ARV1: variants seen among roughly 807,000 people sequenced by gnomAD.
ARV1 encodes protein ARV1.
In ARV1, 26 loss-of-function variants were observed where a neutral mutation model predicts 31.1. The ratio of observed to expected loss-of-function variants is 0.84; its 90% CI spans 0.61 to 1.16. ARV1 has a LOEUF of 1.16. ARV1 is among the 50% of genes most tolerant of loss of function. ARV1 has a pLI of 0.00. For synonymous variants in ARV1, 117 were observed against 123.2 expected, an observed-to-expected ratio of 0.95 and a Z score of 0.34; for missense variants, 281 against 324.9, an observed-to-expected ratio of 0.86 and a Z score of 1.04.
At position 230,988,447 on chromosome 1, in the gene ARV1, G is replaced by C. The variant is rs766104695; in HGVS notation, c.294+8G>C. On this transcript the variant is annotated splice_region_variant and intron_variant, in intron 2 of 5. Transcript: ENST00000310256. ...TTCAATACTCAAATAAATGTAAGTT[G>C]TGATAATTTCATTTTTTAATTTTAT... is the stretch of plus-strand genomic sequence containing the variant. 6.6e-7 allele frequency: 1 copy of C among 1,508,748 alleles called. No homozygotes were observed. The highest frequency in any genetic ancestry group is 1.4e-5 in the South Asian group (1 of 73,742). 93.5% of individuals were successfully genotyped at this position (1,508,748 alleles called of 1,614,324 possible).
At chr1:230,996,628 G>T (rs1224542930) in intron 4 of ARV1, among the ~76,000 whole-genome samples, 2 of 151,888 alleles carry the variant, frequency 1.3e-5, no homozygotes, top group Non-Finnish European at 2.9e-5. Flanking sequence ...GTAGAGACAG[G>T]GTTTCGACAT....
intron 1 of ARV1, among the ~76,000 whole-genome samples, chr1:230,982,067 C>A (rs766164280): frequency 6.6e-6 from 1 of 152,172 alleles, no homozygotes; most frequent in Non-Finnish European, 1.5e-5. Flanking sequence ...GTGTCTTCTC[C>A]TACTGGAAAG....
chr1:230,988,579 A>G (rs925165681), intron 2 of ARV1, 140 bp downstream of exon 2: 4 of 665,240 alleles, frequency 6.0e-6, no homozygotes, highest in Non-Finnish European at 9.3e-6. Context: ...TTTTATTGCA[A>G]CATATCTGGA....
chr1:230,995,494 A>C (rs900297737), intron 3 of ARV1, among the ~76,000 whole-genome samples: 1 of 152,152 alleles, frequency 6.6e-6, no homozygotes, highest in Non-Finnish European at 1.5e-5. Context: ...GTTGATGATT[A>C]CAATTCTAAT....
At position 230,996,107 on chromosome 1, in the gene ARV1, A is replaced by G. The variant is rs1262219319; in HGVS notation, c.673+123A>G. ...CTGGAATTCTTCATCGCATAGTAAT[A>G]ATACCTAACACTTCTATAGCACCTT... is the stretch of plus-strand genomic sequence containing the variant. On this transcript the variant is annotated intron_variant, in intron 4 of 5. Coordinates refer to ENST00000310256, the MANE Select transcript of ARV1 (RefSeq NM_022786.3). 10 of 706,066 alleles carry G rather than the reference A, an allele frequency of 1.4e-5. No homozygotes were observed. In the East Asian group the frequency reaches 2.4e-4, roughly 17 times the overall value. The allele number at this position is 706,066 out of a possible 1,614,324, so 43.7% of individuals were successfully genotyped here. A position where few individuals can be genotyped will look rare whatever the true frequency, so the allele number is the denominator to read the frequency against.
chr1:230,990,294 T>C (rs1273152753), intron 3 of ARV1, 31 bp downstream of exon 3: 2 of 1,609,478 alleles, frequency 1.2e-6, no homozygotes, highest in African/African-American at 2.7e-5. Context: ...CCATTCTTAG[T>C]TAACTATTCT....
At chr1:230,999,090 C>T (rs1679455337) in intron 5 of ARV1, among the ~76,000 whole-genome samples, 1 of 152,122 alleles carries the variant, frequency 6.6e-6, no homozygotes, top group East Asian at 1.9e-4. Context: ...TGTCCTCAGC[C>T]CTCTTCCTTC....
intron 5 of ARV1, 146 bp downstream of exon 5, chr1:230,997,413 C>CT: frequency 1.1e-6 from 1 of 931,014 alleles, no homozygotes; most frequent in Non-Finnish European, 1.6e-6. Context: ...TCCTCAAGGA[C>CT]TTTACTACAT....
At chr1:230,987,891 C>A (rs1461916366) in intron 1 of ARV1, among the ~76,000 whole-genome samples, 3 of 152,274 alleles carry the variant, frequency 2.0e-5, no homozygotes, top group African/African-American at 7.2e-5. Flanking sequence ...TGCCAAGAAC[C>A]ATAAAGTCAG....
intron 1 of ARV1, among the ~76,000 whole-genome samples, chr1:230,984,367 T>TGTGC (rs1553303970): frequency 3.7e-3 from 454 of 124,296 alleles, no homozygotes; most frequent in African/African-American, 6.7e-3. Flanking sequence ...TGTGTGCGTG[T>TGTGC]GTGTGTGTGT....
intron 1 of ARV1, among the ~76,000 whole-genome samples, chr1:230,980,705 C>A (rs551216465): frequency 6.2e-4 from 94 of 150,420 alleles, no homozygotes; most frequent in African/African-American, 2.2e-3. Flanking sequence ...ACTGTACTGT[C>A]TTCTTCTGCC....
chr1:230,985,921 ATT>A (rs5781616), intron 1 of ARV1, among the ~76,000 whole-genome samples: 5 of 148,302 alleles, frequency 3.4e-5, no homozygotes, highest in African/African-American at 1.2e-4. Flanking sequence ...ATTAAGCAGA[ATT>A]TTTTTTTTTT....
At chr1:230,985,422 G>A (rs1038418487) in intron 1 of ARV1, among the ~76,000 whole-genome samples, 1 of 152,190 alleles carries the variant, frequency 6.6e-6, no homozygotes, top group East Asian at 1.9e-4. Context: ...AGAAACTGTG[G>A]CTGAAGGTGA....
intron 2 of ARV1, among the ~76,000 whole-genome samples, chr1:230,989,516 A>G (rs1009928244): frequency 2.6e-5 from 4 of 152,142 alleles, no homozygotes; most frequent in Admixed American, 2.6e-4. Context: ...GTTGCCTAGT[A>G]TTTTTTATTT....
intron 1 of ARV1, among the ~76,000 whole-genome samples, chr1:230,987,373 C>A (rs79036592): frequency 0.014 from 2,115 of 152,298 alleles, 33 homozygotes; most frequent in Non-Finnish European, 0.02. Context: ...TACGGGAGGA[C>A]TGCTGTAGTT....
At chr1:230,988,087 G>A (rs1305072962) in intron 1 of ARV1, among the ~76,000 whole-genome samples, 2 of 152,160 alleles carry the variant, frequency 1.3e-5, no homozygotes, top group Non-Finnish European at 2.9e-5. Context: ...TTAGCTTCTT[G>A]AATATGACGT....
At chr1:230,988,289 C>T in intron 1 of ARV1, 31 bp from the exon 2 acceptor site, 1 of 1,566,176 alleles carries the variant, frequency 6.4e-7, no homozygotes, top group South Asian at 1.2e-5. Context: ...TATACATTTG[C>T]TTGTTCTAAT....
chr1:230,995,868 C>G lies in ARV1; in HGVS notation c.557C>G (p.Ser186Cys). The change falls in exon 4 of 6, where the codon TCT becomes TGT. Residue 186 changes from serine to cysteine, a missense_variant. Coordinates refer to ENST00000310256, the MANE Select transcript of ARV1 (RefSeq NM_022786.3). ...FILLLKALLL[S>C]SYGKLLLIPA... ...TTGCTGCTGAAAGCATTATTATTATCTAGCTACGGAAAACTCTTGCTGATT... is the reference window on the plus strand; with the variant it reads ...TTGCTGCTGAAAGCATTATTATTATGTAGCTACGGAAAACTCTTGCTGATT... The G allele has an allele frequency of 2.5e-6, 4 of 1,614,036 alleles. No individual in the cohort carries two copies. Among genetic ancestry groups the G allele is most frequent in the Non-Finnish European group, 3.4e-6 (4 of 1,179,984 alleles).
At chr1:230,995,192 C>A (rs936228949) in intron 3 of ARV1, among the ~76,000 whole-genome samples, 2 of 152,200 alleles carry the variant, frequency 1.3e-5, no homozygotes, top group Non-Finnish European at 2.9e-5. Flanking sequence ...TGCTGTTAAT[C>A]TGGACTCTGT....
Sources: allele counts gnomAD v4.1 joint callset (sites outside exome capture counted in the v4.1 genomes callset), GRCh38; gene constraint gnomAD v4.1.1; transcripts MANE v1.5; gene names NCBI Gene and HGNC (gene_info 2026-07-23, HGNC 2026-07-21).